The following NET1 variants were observed in gnomAD, a reference collection of about 807,000 sequenced individuals.
The protein encoded by NET1 is neuroepithelial cell transforming 1.
Under a neutral mutation model 61.1 loss-of-function variants are expected in NET1, and 42 were observed. That is an observed-to-expected ratio of 0.69 (90% confidence interval 0.54 to 0.89). NET1 has a LOEUF of 0.89. NET1 is among the 40% of genes least tolerant of loss of function. NET1 has a pLI of 0.00. For synonymous variants in NET1, 254 were observed against 281.8 expected, an observed-to-expected ratio of 0.90 and a Z score of 0.99; for missense variants, 654 against 747.3, an observed-to-expected ratio of 0.88 and a Z score of 1.46.
intron 1 of NET1, among the ~76,000 whole-genome samples, chr10:5,418,513 T>C (rs1832115619): frequency 6.6e-6 from 1 of 152,138 alleles, no homozygotes; most frequent in Admixed American, 6.6e-5. Flanking sequence ...TTTCTGATTC[T>C]TGTAATTTGT....
chr10:5,438,304 T>A (rs140250830), intron 3 of NET1, among the ~76,000 whole-genome samples: 1 of 152,164 alleles, frequency 6.6e-6, no homozygotes, highest in Non-Finnish European at 1.5e-5. Flanking sequence ...AAACCAAAAT[T>A]TGGTTCTTTG....
chr10:5,453,471 T>C lies in NET1; in HGVS notation c.692-13T>C. ...AACCTGTTAATGGTGTTTATGCTTT[T>C]TTATCACTTCAGATTTGTTGACAAG... is the stretch of plus-strand genomic sequence containing the variant. On this transcript the variant is annotated splice_polypyrimidine_tract_variant and intron_variant, in intron 7 of 11. Coordinates refer to ENST00000355029, the MANE Select transcript of NET1 (RefSeq NM_001047160.3). This position sits in a 1 kb window ranked among gnomAD's most constrained non-coding sequence, Gnocchi z 4.9. 6.2e-7 allele frequency: 1 copy of C among 1,614,008 alleles called. No individual in the cohort carries two copies. The highest frequency in any genetic ancestry group is 8.5e-7 in the Non-Finnish European group (1 of 1,179,848).
chr10:5,442,204 A>G (rs1270446687), intron 3 of NET1, among the ~76,000 whole-genome samples: 1 of 152,254 alleles, frequency 6.6e-6, no homozygotes, highest in Non-Finnish European at 1.5e-5. Context: ...AAATATAATT[A>G]CAAAGTTGAA....
chr10:5,456,012 A>T lies in NET1; in HGVS notation c.1198-75A>T. On this transcript the variant is annotated intron_variant, in intron 10 of 11. Coordinates refer to ENST00000355029, the MANE Select transcript of NET1 (RefSeq NM_001047160.3). The surrounding 1 kb of genome is among the most constrained non-coding windows in gnomAD (Gnocchi z 7.0). ...AAATCTGATGAAATTAATAATGTCG[A>T]GTTATTTTAGCAATATATTTCAGTC... 7.5e-7 allele frequency: 1 copy of T among 1,329,652 alleles called. No individual in the cohort carries two copies. The highest frequency in any genetic ancestry group is 1.0e-6 in the Non-Finnish European group (1 of 970,112). The allele number at this position is 1,329,652 out of a possible 1,614,324, so 82.4% of individuals were successfully genotyped here.
At position 5,428,038 on chromosome 10, in the gene NET1, C is replaced by CCTTTTTTTTTTTTTTTTTTTTTTTTTTT. The variant is rs767299959; in HGVS notation, c.196-1132_196-1131insCTTTTTTTTTTTTTTTTTTTTTTTTTTT. On this transcript the variant is annotated intron_variant, in intron 2 of 11. Coordinates refer to ENST00000355029, the MANE Select transcript of NET1 (RefSeq NM_001047160.3). ...CACTTCTATCTGGACTTTGCCGTTC[C>CCTTTTTTTTTTTTTTTTTTTTTTTTTTT]TTTTTTTTTTTTTTTTTTTTTTTTT... Among the ~76,000 whole-genome samples, 13 of 113,904 alleles carry CCTTTTTTTTTTTTTTTTTTTTTTTTTTT rather than the reference C, an allele frequency of 1.1e-4. 6 individuals carry two copies. The highest frequency in any genetic ancestry group is 1.8e-4 in the Admixed American group (2 of 10,864). 74.7% of individuals were successfully genotyped at this position (113,904 alleles called of 152,430 possible).
At chr10:5,436,709 C>T (rs1832444193) in intron 3 of NET1, among the ~76,000 whole-genome samples, 1 of 152,104 alleles carries the variant, frequency 6.6e-6, no homozygotes, top group Non-Finnish European at 1.5e-5. Context: ...CCAAATACCA[C>T]TTTTGAGAAA....
chr10:5,433,621 A>G (rs1031451084), intron 3 of NET1, among the ~76,000 whole-genome samples: 6 of 152,138 alleles, frequency 3.9e-5, no homozygotes, highest in Non-Finnish European at 5.9e-5. Context: ...TCTTTCATTG[A>G]GTATATTTAA....
rs1832277518 is a variant in NET1 at position 5,427,595 on chromosome 10, A to T, written c.195+874A>T. Among the ~76,000 whole-genome samples the T allele has an allele frequency of 6.6e-6, 1 of 152,190 alleles. No homozygotes were observed. Among genetic ancestry groups the T allele is most frequent in the Non-Finnish European group, 1.5e-5 (1 of 68,024 alleles). ...GTTGGCCTTTCAAACCTGGGATCATATTATTCATAATTTTCTGTATCTTCT... is the reference window on the plus strand; with the variant it reads ...GTTGGCCTTTCAAACCTGGGATCATTTTATTCATAATTTTCTGTATCTTCT... On this transcript the variant is annotated intron_variant, in intron 2 of 11. Transcript: ENST00000355029. This position sits in a 1 kb window ranked among gnomAD's most constrained non-coding sequence, Gnocchi z 4.1.
At chr10:5,418,583 T>C (rs1180845148) in intron 1 of NET1, among the ~76,000 whole-genome samples, 1 of 152,172 alleles carries the variant, frequency 6.6e-6, no homozygotes, top group Non-Finnish European at 1.5e-5. Context: ...TCTTGATCTT[T>C]CCAAAGAATG....
chr10:5,455,138 G>C lies in NET1; in HGVS notation c.1197+20G>C, dbSNP rs762970253. The C allele has an allele frequency of 6.2e-7, 1 of 1,610,622 alleles. No individual in the cohort carries two copies. Among genetic ancestry groups the C allele is most frequent in the Non-Finnish European group, 8.5e-7 (1 of 1,178,320 alleles). On this transcript the variant is annotated intron_variant, in intron 10 of 11. Transcript: ENST00000355029. This position sits in a 1 kb window ranked among gnomAD's most constrained non-coding sequence, Gnocchi z 6.5. Reference sequence around the variant, plus strand: ...GGACATGTAGGTGACTTTTGCTGCCGTGGCAGAGCAGCCTTCCCTCCTGCC... The same window carrying C: ...GGACATGTAGGTGACTTTTGCTGCCCTGGCAGAGCAGCCTTCCCTCCTGCC...
At position 5,443,798 on chromosome 10, in the gene NET1, G is replaced by C. The variant is rs1378894679; in HGVS notation, c.256-8032G>C. ...TGGGTCCCCAGCTGAAGGAGAGAAT[G>C]AAAGATACCCCTTCTCATTATCTTG... On this transcript the variant is annotated intron_variant, in intron 3 of 11. Transcript: ENST00000355029. The surrounding 1 kb of genome is among the most constrained non-coding windows in gnomAD (Gnocchi z 4.8). Among the ~76,000 whole-genome samples the C allele has an allele frequency of 6.6e-6, 1 of 152,186 alleles. No individual in the cohort carries two copies. Among genetic ancestry groups the C allele is most frequent in the Admixed American group, 6.5e-5 (1 of 15,278 alleles).
chr10:5,455,976 C>A lies in NET1; in HGVS notation c.1198-111C>A. ...TACTAGATTTGTCACTTAGAGAGAT[C>A]TTCGAAAAATAAATCTGATGAAATT... On this transcript the variant is annotated intron_variant, in intron 10 of 11. Coordinates refer to ENST00000355029, the MANE Select transcript of NET1 (RefSeq NM_001047160.3). This position sits in a 1 kb window ranked among gnomAD's most constrained non-coding sequence, Gnocchi z 6.5. The A allele has an allele frequency of 9.0e-7, 1 of 1,110,002 alleles. No individual in the cohort carries two copies. Among genetic ancestry groups the A allele is most frequent in the Non-Finnish European group, 1.3e-6 (1 of 794,200 alleles). The allele number at this position is 1,110,002 out of a possible 1,614,324, so 68.8% of individuals were successfully genotyped here. A position where few individuals can be genotyped will look rare whatever the true frequency, so the allele number is the denominator to read the frequency against.
intron 3 of NET1, among the ~76,000 whole-genome samples, chr10:5,436,184 TGTTGTGTGTGTGTGTG>T (rs1341563192): frequency 0.039 from 2,276 of 58,540 alleles, 79 homozygotes; most frequent in South Asian, 0.1. Context: ...TGTGTGTGTG[TGTTGTGTGTGTGTGTG>T]TGTGTGTGTG....
chr10:5,443,167 T>C lies in NET1; in HGVS notation c.256-8663T>C, dbSNP rs59158510. On this transcript the variant is annotated intron_variant, in intron 3 of 11. Coordinates refer to ENST00000355029, the MANE Select transcript of NET1 (RefSeq NM_001047160.3). This position sits in a 1 kb window ranked among gnomAD's most constrained non-coding sequence, Gnocchi z 4.8. Reference sequence around the variant, plus strand: ...CTCAGAACATGTGCTAAAGGTTTTATATGGGTTATCTTCATCTGGACAGTG... The same window carrying C: ...CTCAGAACATGTGCTAAAGGTTTTACATGGGTTATCTTCATCTGGACAGTG... Among the ~76,000 whole-genome samples the C allele has an allele frequency of 6.4e-3, 981 of 152,308 alleles. 35 individuals are homozygous for C. In the East Asian group the frequency reaches 0.11, roughly 16 times the overall value.
rs533413643 is a variant in NET1, at chr10:5,440,040, A to G, written c.255+10811A>G. On this transcript the variant is annotated intron_variant, in intron 3 of 11. Transcript: ENST00000355029. This position sits in a 1 kb window ranked among gnomAD's most constrained non-coding sequence, Gnocchi z 4.1. ...CAGAAAGCCTCAGGCCGTTGGATCT[A>G]TTAAAACTTTTCCAACATGGCAACC... 8.1e-4 allele frequency among the ~76,000 whole-genome samples: 124 copies of G among 152,350 alleles called. No individual in the cohort carries two copies. Among genetic ancestry groups the G allele is most frequent in the Non-Finnish European group, 1.4e-3 (98 of 68,034 alleles).
At position 5,416,968 on chromosome 10, in the gene NET1, C is replaced by T. The variant is rs1832092270; in HGVS notation, c.128+4148C>T. 6.6e-6 allele frequency among the ~76,000 whole-genome samples: 1 copy of T among 152,198 alleles called. No homozygotes were observed. The highest frequency in any genetic ancestry group is 1.5e-5 in the Non-Finnish European group (1 of 68,042). Reference sequence around the variant, plus strand: ...GCCTTCTGTATCCCAGGGTTCTTGCCTTGATGTACTGGAACAATCAGATGA... The same window carrying T: ...GCCTTCTGTATCCCAGGGTTCTTGCTTTGATGTACTGGAACAATCAGATGA... On this transcript the variant is annotated intron_variant, in intron 1 of 11. Coordinates refer to ENST00000355029, the MANE Select transcript of NET1 (RefSeq NM_001047160.3). The surrounding 1 kb of genome is among the most constrained non-coding windows in gnomAD (Gnocchi z 6.1).
chr10:5,414,158 T>C (rs1407983783), intron 1 of NET1, among the ~76,000 whole-genome samples: 1 of 152,072 alleles, frequency 6.6e-6, no homozygotes, highest in African/African-American at 2.4e-5. Context: ...AACAGTGATA[T>C]TTGTATAGAG....
rs1418756685 is a variant in NET1 at position 5,415,415 on chromosome 10, C to T, written c.128+2595C>T. 2.0e-5 allele frequency among the ~76,000 whole-genome samples: 3 copies of T among 147,830 alleles called. No homozygotes were observed. The highest frequency in any genetic ancestry group is 7.5e-5 in the African/African-American group (3 of 40,202). On this transcript the variant is annotated intron_variant, in intron 1 of 11. Transcript: ENST00000355029. The surrounding 1 kb of genome is among the most constrained non-coding windows in gnomAD (Gnocchi z 4.7). ...AATGGATTTATGTAATGTGTGTGGC[C>T]ATTTTTGGTGGGCCATCCTTTGCTC...
Position 5,446,567 on chromosome 10 carries a change from GC to G in NET1, c.256-5258del, listed in dbSNP as rs935765363. The G allele has an allele frequency of 7.6e-5, 88 of 1,164,962 alleles. No individual in the cohort carries two copies. In the African/African-American group the frequency reaches 1.3e-3, roughly 17 times the overall value. 72.2% of individuals were successfully genotyped at this position (1,164,962 alleles called of 1,614,324 possible). A position where few individuals can be genotyped will look rare whatever the true frequency, so the allele number is the denominator to read the frequency against. On this transcript the variant is annotated intron_variant, in intron 3 of 11. Coordinates refer to ENST00000355029, the MANE Select transcript of NET1 (RefSeq NM_001047160.3). This position sits in a 1 kb window ranked among gnomAD's most constrained non-coding sequence, Gnocchi z 5.0. ...CCAGGGCCCGGTTGGCTGTGGCCCC[GC>G]CCCCGAGCCCTGGGGTCGGTGCTTG...
Sources: allele counts gnomAD v4.1 joint callset (sites outside exome capture counted in the v4.1 genomes callset), GRCh38; gene constraint gnomAD v4.1.1; non-coding constraint Gnocchi (gnomAD v3.1); transcripts MANE v1.5; gene names NCBI Gene and HGNC (gene_info 2026-07-23, HGNC 2026-07-21).